The following EIF2B3 variants were observed in gnomAD, a reference collection of about 807,000 sequenced individuals.
The protein encoded by EIF2B3 is eukaryotic translation initiation factor 2B subunit gamma.
A neutral mutation model predicts 54.1 loss-of-function variants in EIF2B3; 20 were observed. The ratio of observed to expected loss-of-function variants is 0.37; its 90% confidence interval spans 0.26 to 0.54. EIF2B3 has a LOEUF of 0.54. Ranked by LOEUF, EIF2B3 falls within the 20% of genes least tolerant of loss-of-function variation. The pLI is 0.86. For synonymous variants in EIF2B3, 153 were observed against 188.1 expected, an observed-to-expected ratio of 0.81 and a Z score of 1.52; for missense variants, 448 against 547.8, an observed-to-expected ratio of 0.82 and a Z score of 1.82.
In EIF2B3 at chr1:44,850,535, G is replaced by C. The variant is rs1414974301; in HGVS notation, c.*416C>G. 9.9e-6 allele frequency: 2 copies of C among 202,438 alleles called. No homozygotes were observed. The highest frequency in any genetic ancestry group is 2.0e-5 in the Non-Finnish European group (2 of 98,144). The allele number at this position is 202,438 out of a possible 1,614,324, so 12.5% of individuals were successfully genotyped here. A position where few individuals can be genotyped will look rare whatever the true frequency, so the allele number is the denominator to read the frequency against. ...TCAGGCGTGGCACTGCCAGCAGCTAGGCCTATGGGTCTAGAAAGGCTGATT... is the reference window on the plus strand; with the variant it reads ...TCAGGCGTGGCACTGCCAGCAGCTACGCCTATGGGTCTAGAAAGGCTGATT... On this transcript the variant is annotated 3_prime_UTR_variant, in exon 12 of 12. Coordinates refer to ENST00000360403, the MANE Select transcript of EIF2B3 (RefSeq NM_020365.5).
At chr1:44,901,117 A>C (rs1236994423) in intron 5 of EIF2B3, among the ~76,000 whole-genome samples, 1 of 151,912 alleles carries the variant, frequency 6.6e-6, no homozygotes, top group Non-Finnish European at 1.5e-5. Flanking sequence ...AATTGAAAAA[A>C]AAATTTTTTT....
At chr1:44,927,149 A>G (rs1643863297) in intron 4 of EIF2B3, among the ~76,000 whole-genome samples, 1 of 152,046 alleles carries the variant, frequency 6.6e-6, no homozygotes, top group Non-Finnish European at 1.5e-5. Context: ...AAAAAAAAAA[A>G]ACAGGATTGA....
At chr1:44,876,037 C>T (rs910804552) in intron 8 of EIF2B3, among the ~76,000 whole-genome samples, 2 of 152,248 alleles carry the variant, frequency 1.3e-5, no homozygotes, top group African/African-American at 2.4e-5. Flanking sequence ...CCGCCAGCCT[C>T]GGCCTCCCGA....
chr1:44,851,998 G>C (rs1221007782), intron 11 of EIF2B3, among the ~76,000 whole-genome samples: 1 of 151,582 alleles, frequency 6.6e-6, no homozygotes, highest in Non-Finnish European at 1.5e-5. Context: ...ACCCAGGCTG[G>C]AGTGCAGTGG....
chr1:44,954,948 T>C (rs1407236687), intron 3 of EIF2B3, among the ~76,000 whole-genome samples: 2 of 152,212 alleles, frequency 1.3e-5, no homozygotes, highest in South Asian at 2.1e-4. Context: ...TTGAATTTTA[T>C]TGAAGGCTTT....
At chr1:44,966,885 G>A (rs1285679581) in intron 3 of EIF2B3, among the ~76,000 whole-genome samples, 1 of 151,976 alleles carries the variant, frequency 6.6e-6, no homozygotes, top group Admixed American at 6.6e-5. Context: ...GCAATGGCGC[G>A]ACCTCAGCTC....
chr1:44,936,784 GATTTGT>G (rs1171057286), intron 4 of EIF2B3, among the ~76,000 whole-genome samples: 1 of 152,202 alleles, frequency 6.6e-6, no homozygotes, highest in African/African-American at 2.4e-5. Context: ...TATTAAATGA[GATTTGT>G]TAAGTTTCAG....
chr1:44,884,746 G>C (rs146538530), intron 6 of EIF2B3, among the ~76,000 whole-genome samples: 1 of 152,238 alleles, frequency 6.6e-6, no homozygotes, highest in East Asian at 1.9e-4. Context: ...GACAAAGCAC[G>C]GACAGCTAGG....
intron 5 of EIF2B3, among the ~76,000 whole-genome samples, chr1:44,910,045 T>G (rs1643482634): frequency 6.6e-6 from 1 of 152,212 alleles, no homozygotes; most frequent in African/African-American, 2.4e-5. Flanking sequence ...AGGAGCTTGT[T>G]TTAATATTTT....
At chr1:44,867,455 G>A (rs904881949) in intron 10 of EIF2B3, among the ~76,000 whole-genome samples, 4 of 152,122 alleles carry the variant, frequency 2.6e-5, no homozygotes, top group African/African-American at 9.7e-5. Flanking sequence ...TTGGGCAGGT[G>A]TCCAGAAAGC....
At chr1:44,896,413 T>C (rs1267708790) in intron 6 of EIF2B3, among the ~76,000 whole-genome samples, 2 of 152,226 alleles carry the variant, frequency 1.3e-5, no homozygotes, top group Non-Finnish European at 2.9e-5. Context: ...AAGATCATAC[T>C]GGGCAGGGGA....
Position 44,897,380 on chromosome 1 carries a change from T to A in EIF2B3, c.631A>T (p.Ile211Phe). The change falls in exon 6 of 12, where the codon ATC becomes TTC. Residue 211 changes from isoleucine (I) to phenylalanine (F), a missense_variant. Physicochemically the swap from Ile to Phe is conservative, Grantham distance 21 (BLOSUM62 0). Coordinates refer to ENST00000360403, the MANE Select transcript of EIF2B3 (RefSeq NM_020365.5). ...CCATTTTCCATTAGGAAATCCACGATGTATTTTTTCAAACAGTAGAGGTGG... is the reference window on the plus strand; with the variant it reads ...CCATTTTCCATTAGGAAATCCACGAAGTATTTTTTCAAACAGTAGAGGTGG... Reference protein sequence around the residue: ...DAHLYCLKKYIVDFLMENGSI... With the variant: ...DAHLYCLKKYFVDFLMENGSI... 1 of 1,613,754 alleles carries A rather than the reference T, an allele frequency of 6.2e-7. No homozygotes were observed. The highest frequency in any genetic ancestry group is 8.5e-7 in the Non-Finnish European group (1 of 1,179,836).
chr1:44,874,632 AT>A (rs747543629), intron 10 of EIF2B3, 45 bp downstream of exon 10: 7 of 1,600,806 alleles, frequency 4.4e-6, no homozygotes, highest in Non-Finnish European at 6.0e-6. Flanking sequence ...TTTTGAAGGC[AT>A]TTTTCCATTA....
intron 8 of EIF2B3, among the ~76,000 whole-genome samples, chr1:44,878,967 C>T (rs1294196668): frequency 2.0e-5 from 3 of 151,668 alleles, no homozygotes; most frequent in African/African-American, 7.3e-5. Flanking sequence ...TGCCATGTTG[C>T]CCAGGCTGGT....
At chr1:44,930,180 A>G (rs913314640) in intron 4 of EIF2B3, among the ~76,000 whole-genome samples, 17 of 152,166 alleles carry the variant, frequency 1.1e-4, no homozygotes, top group African/African-American at 4.1e-4. Flanking sequence ...TCATTCTACC[A>G]ATAAATATCT....
intron 10 of EIF2B3, among the ~76,000 whole-genome samples, chr1:44,872,826 T>C (rs1218362949): frequency 6.6e-6 from 1 of 152,164 alleles, no homozygotes. Context: ...CTGCACATAG[T>C]ATAAATTCCT....
In EIF2B3 at chr1:44,955,226, A is replaced by C. The variant is rs192907229; in HGVS notation, c.295-13561T>G. On this transcript the variant is annotated intron_variant, in intron 3 of 11. Transcript: ENST00000360403. ...AATAACGCCGCACATCTACAACCAT[A>C]TGATCTTTGACAAACCTGACAAAAA... 8.4e-4 allele frequency among the ~76,000 whole-genome samples: 128 copies of C among 152,286 alleles called. 1 individual carries two copies. The highest frequency in any genetic ancestry group is 1.5e-3 in the Non-Finnish European group (99 of 68,006).
In EIF2B3 at chr1:44,935,860, C is replaced by T. The variant is rs191048818; in HGVS notation, c.454+5646G>A. Reference sequence around the variant, plus strand: ...ATTTTCCCCATCAGACTCCAAGTTTCTTAAAATGCCCTATGACTGGGGAGA... The same window carrying T: ...ATTTTCCCCATCAGACTCCAAGTTTTTTAAAATGCCCTATGACTGGGGAGA... On this transcript the variant is annotated intron_variant, in intron 4 of 11. Coordinates refer to ENST00000360403, the MANE Select transcript of EIF2B3 (RefSeq NM_020365.5). Among the ~76,000 whole-genome samples the T allele has an allele frequency of 9.2e-5, 14 of 152,188 alleles. No homozygotes were observed. The East Asian group carries it at 2.7e-3, about 29-fold the overall frequency.
chr1:44,866,458 G>A (rs1197841900), intron 10 of EIF2B3, among the ~76,000 whole-genome samples: 3 of 151,638 alleles, frequency 2.0e-5, no homozygotes, highest in Admixed American at 2.0e-4. Flanking sequence ...GAAGAGGGAA[G>A]AAAGATGCAG....
Sources: allele counts gnomAD v4.1 joint callset (sites outside exome capture counted in the v4.1 genomes callset), GRCh38; gene constraint gnomAD v4.1.1; transcripts MANE v1.5; gene names NCBI Gene and HGNC (gene_info 2026-07-23, HGNC 2026-07-21).